The following WNT3A variants were observed in gnomAD, a reference collection of about 807,000 sequenced individuals.
WNT3A encodes the protein protein Wnt-3a.
A neutral mutation model predicts 37.0 loss-of-function variants in WNT3A; 17 were observed. That is an observed-to-expected ratio of 0.46 (90% CI 0.31 to 0.69). The LOEUF (loss-of-function observed/expected upper bound fraction) is 0.69. Among genes scored for constraint, WNT3A ranks in the 30% least tolerant of loss-of-function variants. The pLI, the probability that WNT3A is intolerant of heterozygous loss-of-function variation, is 0.05. For synonymous variants in WNT3A, 187 were observed against 211.0 expected, an observed-to-expected ratio of 0.89 and a Z score of 0.99; for missense variants, 411 against 510.2, an observed-to-expected ratio of 0.81 and a Z score of 1.87.
intron 2 of WNT3A, among the ~76,000 whole-genome samples, chr1:228,023,318 G>A (rs895456322): frequency 1.3e-5 from 2 of 151,950 alleles, no homozygotes; most frequent in African/African-American, 4.8e-5. Context: ...GAGAGAGAAA[G>A]ATAGAGACAG....
intron 2 of WNT3A, among the ~76,000 whole-genome samples, chr1:228,041,519 T>TCATC (rs10555310): frequency 0.036 from 5,404 of 150,524 alleles, 201 homozygotes; most frequent in East Asian, 0.083. Flanking sequence ...ATCCATCAAT[T>TCATC]CATCCATCCA....
rs907490992 is a variant in WNT3A, at chr1:228,038,147, C to G, written c.314-12509C>G. On this transcript the variant is annotated intron_variant, in intron 2 of 3. Coordinates refer to ENST00000284523, the MANE Select transcript of WNT3A (RefSeq NM_033131.4). The surrounding 1 kb of genome is among the most constrained non-coding windows in gnomAD (Gnocchi z 5.7). Reference sequence around the variant, plus strand: ...GCCGCATTCCGCTCTCAGGTGGCTCCGGGGCCTTTTGTGCAGGCCATGATT... The same window carrying G: ...GCCGCATTCCGCTCTCAGGTGGCTCGGGGGCCTTTTGTGCAGGCCATGATT... 1.3e-5 allele frequency among the ~76,000 whole-genome samples: 2 copies of G among 152,040 alleles called. No individual in the cohort carries two copies. The highest frequency in any genetic ancestry group is 4.1e-4 in the South Asian group (2 of 4,822).
Position 228,039,001 on chromosome 1 carries a change from G to C in WNT3A, c.314-11655G>C, listed in dbSNP as rs1320483212. On this transcript the variant is annotated intron_variant, in intron 2 of 3. Coordinates refer to ENST00000284523, the MANE Select transcript of WNT3A (RefSeq NM_033131.4). The surrounding 1 kb of genome is among the most constrained non-coding windows in gnomAD (Gnocchi z 4.1). ...AGCAGAGTTTTTCTCCTGGGCAGTG[G>C]GCAATGTTGGGAGTCTGGGCCCCCA... Among the ~76,000 whole-genome samples, 1 of 152,156 alleles carries C rather than the reference G, an allele frequency of 6.6e-6. No individual in the cohort carries two copies. The highest frequency in any genetic ancestry group is 1.5e-5 in the Non-Finnish European group (1 of 68,018).
intron 2 of WNT3A, among the ~76,000 whole-genome samples, chr1:228,027,931 A>T (rs1405896217): frequency 3.9e-5 from 6 of 152,210 alleles, no homozygotes; most frequent in African/African-American, 1.2e-4. Flanking sequence ...GCTTTGATCC[A>T]TCTGGAGTTG....
At chr1:228,013,603 G>T (rs11579725) in intron 1 of WNT3A, among the ~76,000 whole-genome samples, 7 of 152,140 alleles carry the variant, frequency 4.6e-5, no homozygotes, top group Admixed American at 3.3e-4. Context: ...ACTGGGAAGG[G>T]TTGCCGACAC....
At position 228,059,078 on chromosome 1, in the gene WNT3A, C is replaced by G; in HGVS notation, c.672C>G (p.Phe224Leu). 1 of 1,613,686 alleles carries G rather than the reference C, an allele frequency of 6.2e-7. No homozygotes were observed. Among genetic ancestry groups the G allele is most frequent in the South Asian group, 1.1e-5 (1 of 91,080 alleles). The change falls in exon 4 of 4, where the codon TTC becomes TTG. Residue 224 changes from phenylalanine to leucine, a missense_variant. Transcript: ENST00000284523. ...CATGCTGGTGGTCGCAACCCGACTT[C>G]CGCGCCATCGGTGACTTCCTCAAGG... ...VKTCWWSQPD[F>L]RAIGDFLKDK...
Position 228,059,435 on chromosome 1 carries a change from G to A in WNT3A, c.1029G>A (p.Thr343=), listed in dbSNP as rs1033989725. Residue 343 remains threonine, a synonymous_variant, in exon 4 of 4, where the codon ACG becomes ACA. Coordinates refer to ENST00000284523, the MANE Select transcript of WNT3A (RefSeq NM_033131.4). ...GCTACGTCAGCTGCCAGGAGTGCAC[G>A]CGCGTCTACGACGTGCACACCTGCA... ...WCCYVSCQEC[T]RVYDVHTCK 3.9e-6 allele frequency: 6 copies of A among 1,534,410 alleles called. No individual in the cohort carries two copies. Among genetic ancestry groups the A allele is most frequent in the Middle Eastern group, 2.3e-4 (1 of 4,282 alleles).
intron 1 of WNT3A, among the ~76,000 whole-genome samples, chr1:228,011,424 C>T (rs981669757): frequency 2.6e-5 from 4 of 152,172 alleles, no homozygotes; most frequent in Non-Finnish European, 4.4e-5. Flanking sequence ...TCTTCCTTCT[C>T]CCTTCGCCCG....
chr1:228,035,779 G>A (rs1244335946), intron 2 of WNT3A, among the ~76,000 whole-genome samples: 3 of 152,100 alleles, frequency 2.0e-5, no homozygotes, highest in Non-Finnish European at 4.4e-5. Context: ...GCAAAGGGCT[G>A]AGCTCCTGCT....
chr1:228,011,958 A>G (rs2030384571), intron 1 of WNT3A, among the ~76,000 whole-genome samples: 1 of 152,220 alleles, frequency 6.6e-6, no homozygotes, highest in Non-Finnish European at 1.5e-5. Context: ...CCAGAGTGCA[A>G]AGCTCCTCCT....
At chr1:228,058,955 C>T (rs2031737741) in intron 3 of WNT3A, 31 bp from the exon 4 acceptor site, 1 of 1,581,668 alleles carries the variant, frequency 6.3e-7, no homozygotes, top group African/African-American at 1.3e-5. Context: ...AGGGGGCCGC[C>T]CTGACGCTGG....
At chr1:228,021,920 A>T (rs1415010023) in intron 1 of WNT3A, among the ~76,000 whole-genome samples, 1 of 152,204 alleles carries the variant, frequency 6.6e-6, no homozygotes, top group African/African-American at 2.4e-5. Context: ...AACGGGGCCC[A>T]TGCAGTTGTG....
intron 3 of WNT3A, among the ~76,000 whole-genome samples, chr1:228,057,869 C>T (rs12048010): frequency 0.079 from 12,030 of 152,266 alleles, 548 homozygotes; most frequent in South Asian, 0.11. Flanking sequence ...CAGACTCTCG[C>T]CCTGTAGCCC....
intron 3 of WNT3A, among the ~76,000 whole-genome samples, chr1:228,055,429 ATAG>A (rs1285395112): frequency 1.3e-5 from 2 of 151,390 alleles, no homozygotes; most frequent in Non-Finnish European, 2.9e-5. Context: ...GGGACAGGTA[ATAG>A]TAGATATAGA....
rs114125482 is a variant in WNT3A at position 228,051,699 on chromosome 1, G to A, written c.579+778G>A. On this transcript the variant is annotated intron_variant, in intron 3 of 3. Coordinates refer to ENST00000284523, the MANE Select transcript of WNT3A (RefSeq NM_033131.4). ...TTAGGCCATTCTTGCATTGCTACCC[G>A]AGACTGGGTAATTTATGAAGAAAAG... Among the ~76,000 whole-genome samples, 876 of 152,216 alleles carry A rather than the reference G, an allele frequency of 5.8e-3. 2 individuals carry two copies. The highest frequency in any genetic ancestry group is 0.02 in the African/African-American group (831 of 41,512).
At chr1:228,051,900 C>T (rs182863195) in intron 3 of WNT3A, among the ~76,000 whole-genome samples, 1 of 152,218 alleles carries the variant, frequency 6.6e-6, no homozygotes, top group Non-Finnish European at 1.5e-5. Context: ...TCGCCACGCA[C>T]AGATCTTGTG....
In WNT3A at chr1:228,050,530, G is replaced by T; in HGVS notation, c.314-126G>T. On this transcript the variant is annotated intron_variant, in intron 2 of 3. Transcript: ENST00000284523. The surrounding 1 kb of genome is among the most constrained non-coding windows in gnomAD (Gnocchi z 5.0). ...ATCCGTGAACCAAGTAAGCCTCTTTGCCTTATACACCACCCAACCTCACGA... is the reference window on the plus strand; with the variant it reads ...ATCCGTGAACCAAGTAAGCCTCTTTTCCTTATACACCACCCAACCTCACGA... 8.1e-7 allele frequency: 1 copy of T among 1,229,332 alleles called. No homozygotes were observed. The highest frequency in any genetic ancestry group is 1.5e-5 in the African/African-American group (1 of 65,748). The allele number at this position is 1,229,332 out of a possible 1,614,324, so 76.2% of individuals were successfully genotyped here.
At chr1:228,033,267 G>C (rs1253918009) in intron 2 of WNT3A, among the ~76,000 whole-genome samples, 1 of 152,134 alleles carries the variant, frequency 6.6e-6, no homozygotes, top group East Asian at 1.9e-4. Context: ...AGCTCACAAA[G>C]ATCTACTCTT....
chr1:228,018,058 T>TG, intron 1 of WNT3A, among the ~76,000 whole-genome samples: 1 of 152,324 alleles, frequency 6.6e-6, no homozygotes, highest in South Asian at 2.1e-4. Flanking sequence ...CGTTCCAAGG[T>TG]GGGATCCGGG....
Sources: allele counts gnomAD v4.1 joint callset (sites outside exome capture counted in the v4.1 genomes callset), GRCh38; gene constraint gnomAD v4.1.1; non-coding constraint Gnocchi (gnomAD v3.1); transcripts MANE v1.5; gene names NCBI Gene and HGNC (gene_info 2026-07-23, HGNC 2026-07-21).